Variants in MACROD2 observed in about 807,000 individuals in gnomAD.
MACROD2 encodes mono-ADP ribosylhydrolase 2, also known as ADP-ribose glycohydrolase MACROD2.
Under a neutral mutation model 70.4 loss-of-function variants are expected in MACROD2, and 36 were observed. That is an observed-to-expected ratio of 0.51 (90% CI 0.39 to 0.68). The LOEUF is 0.68. Among genes scored for constraint, MACROD2 ranks in the 30% least tolerant of loss-of-function variants. The pLI is 0.00. For missense variants in MACROD2, 496 were observed against 538.4 expected (o/e 0.92, Z 0.78); for synonymous variants, 172 against 178.8 (o/e 0.96, Z 0.30).
At chr20:15,591,408 G>A (rs1289665505) in intron 8 of MACROD2, among the ~76,000 whole-genome samples, 4 of 151,688 alleles carry the variant, frequency 2.6e-5, no homozygotes, top group African/African-American at 9.7e-5. Context: ...GTAACCAACC[G>A]GTCAACACCA....
intron 8 of MACROD2, among the ~76,000 whole-genome samples, chr20:15,860,091 C>T (rs892989902): frequency 2.6e-5 from 4 of 151,978 alleles, no homozygotes; most frequent in Admixed American, 6.6e-5. Flanking sequence ...GCTGAGATCG[C>T]GCCACTGCCC....
intron 5 of MACROD2, among the ~76,000 whole-genome samples, chr20:15,071,081 T>C (rs2075615856): frequency 6.6e-6 from 1 of 152,178 alleles, no homozygotes; most frequent in African/African-American, 2.4e-5. Flanking sequence ...TTTTGAATCT[T>C]AAAGAGGATA....
chr20:15,166,957 ATTTAAGTATTAAATTT>A (rs2076390039), intron 5 of MACROD2, among the ~76,000 whole-genome samples: 2 of 150,358 alleles, frequency 1.3e-5, no homozygotes, highest in Non-Finnish European at 3.0e-5. Context: ...GTATTAAATT[ATTTAAGTATTAAATTT>A]AAGTATTTAA....
intron 3 of MACROD2, among the ~76,000 whole-genome samples, chr20:14,443,526 A>G (rs1279696676): frequency 1.3e-5 from 2 of 151,902 alleles, no homozygotes; most frequent in Non-Finnish European, 2.9e-5. Context: ...TGAACTCCCT[A>G]CCTCAGGTGA....
At chr20:14,863,586 GT>G (rs896817004) in intron 5 of MACROD2, among the ~76,000 whole-genome samples, 15 of 151,964 alleles carry the variant, frequency 9.9e-5, no homozygotes, top group Non-Finnish European at 1.2e-4. Context: ...GAAAAATATA[GT>G]TACATAAATG....
At chr20:15,051,268 G>C (rs1366940344) in intron 5 of MACROD2, among the ~76,000 whole-genome samples, 1 of 151,510 alleles carries the variant, frequency 6.6e-6, no homozygotes, top group African/African-American at 2.4e-5. Context: ...TCGTTTACTT[G>C]GCTAGTTTCC....
chr20:15,201,933 G>A (rs1375484963), intron 5 of MACROD2, among the ~76,000 whole-genome samples: 1 of 152,174 alleles, frequency 6.6e-6, no homozygotes, highest in Non-Finnish European at 1.5e-5. Flanking sequence ...CTGAATCCCA[G>A]TGACCAAAGT....
intron 4 of MACROD2, among the ~76,000 whole-genome samples, chr20:14,666,823 A>T (rs144398863): frequency 1.1e-4 from 17 of 152,032 alleles, no homozygotes; most frequent in African/African-American, 3.4e-4. Flanking sequence ...CTCTTGTTTC[A>T]TCCTGACAGG....
intron 8 of MACROD2, among the ~76,000 whole-genome samples, chr20:15,825,861 C>T (rs2063992189): frequency 6.6e-6 from 1 of 151,606 alleles, no homozygotes; most frequent in Non-Finnish European, 1.5e-5. Flanking sequence ...ATGTTTTTAA[C>T]TGGAATAAGA....
intron 6 of MACROD2, among the ~76,000 whole-genome samples, chr20:15,412,090 CA>C (rs1445325050): frequency 2.6e-5 from 4 of 152,240 alleles, no homozygotes; most frequent in South Asian, 2.1e-4. Context: ...CTGAAAAGTT[CA>C]GTTGCTAAAT....
At chr20:14,003,773 C>T (rs1402316362) in intron 2 of MACROD2, 2 of 351,106 alleles carry the variant, frequency 5.7e-6, no homozygotes, top group Non-Finnish European at 1.1e-5. Context: ...AAATCTTGTA[C>T]AAAGGTTAAA....
chr20:14,420,597 A>T (rs1030669817), intron 3 of MACROD2, among the ~76,000 whole-genome samples: 1 of 152,062 alleles, frequency 6.6e-6, no homozygotes, highest in African/African-American at 2.4e-5. Flanking sequence ...ATTGAGTTTT[A>T]GGAGTTCATT....
chr20:14,539,255 G>T (rs899696314), intron 4 of MACROD2, among the ~76,000 whole-genome samples: 4 of 152,144 alleles, frequency 2.6e-5, no homozygotes, highest in African/African-American at 9.7e-5. Context: ...GAAGGAAAAG[G>T]CATAGCAGTT....
intron 2 of MACROD2, among the ~76,000 whole-genome samples, chr20:14,083,754 A>G (rs552605073): frequency 6.6e-6 from 1 of 152,152 alleles, no homozygotes; most frequent in Non-Finnish European, 1.5e-5. Context: ...CCTTGTCATT[A>G]TTACTACAAC....
At chr20:15,182,283 G>A (rs536850428) in intron 5 of MACROD2, among the ~76,000 whole-genome samples, 1 of 152,136 alleles carries the variant, frequency 6.6e-6, no homozygotes, top group Non-Finnish European at 1.5e-5. Context: ...AAATCAAATG[G>A]GTTGTTGGAG....
chr20:14,815,316 G>A (rs571767129), intron 5 of MACROD2, among the ~76,000 whole-genome samples: 2 of 151,898 alleles, frequency 1.3e-5, no homozygotes, highest in South Asian at 2.1e-4. Context: ...TGAATCTTTC[G>A]GAAAGAAAAA....
chr20:14,027,205 A>G (rs145945286), intron 2 of MACROD2, among the ~76,000 whole-genome samples: 1 of 152,076 alleles, frequency 6.6e-6, no homozygotes, highest in African/African-American at 2.4e-5. Flanking sequence ...TATTTCATTA[A>G]GTTGATCTTC....
chr20:15,761,749 G>A (rs184349485), intron 8 of MACROD2, among the ~76,000 whole-genome samples: 4 of 152,286 alleles, frequency 2.6e-5, no homozygotes, highest in Admixed American at 1.3e-4. Context: ...TCGGCCAACC[G>A]CTCAATCACT....
intron 15 of MACROD2, among the ~76,000 whole-genome samples, chr20:16,005,145 G>A (rs1354338864): frequency 6.6e-6 from 1 of 152,150 alleles, no homozygotes; most frequent in Non-Finnish European, 1.5e-5. Context: ...GAAAGAAGAT[G>A]GCATTCTCTC....
Sources: gnomAD v4.1 joint callset for allele counts (sites outside exome capture counted in the v4.1 genomes callset) on GRCh38, gnomAD v4.1.1 for gene constraint, MANE v1.5 for transcripts, NCBI Gene and HGNC (gene_info 2026-07-23, HGNC 2026-07-21) for gene names.